The following THBS4 variants were observed in gnomAD, a reference collection of about 807,000 sequenced individuals.
The protein encoded by THBS4 is thrombospondin-4.
Under a neutral mutation model 115.7 loss-of-function variants are expected in THBS4, and 90 were observed. The ratio of observed to expected loss-of-function variants is 0.78; its 90% CI spans 0.66 to 0.93. The LOEUF is 0.93. Ranked by LOEUF, THBS4 falls within the 40% of genes least tolerant of loss-of-function variation. THBS4 has a pLI of 0.00. For missense variants in THBS4, 1,087 were observed against 1,232.7 expected (o/e 0.88, Z 1.77); for synonymous variants, 460 against 479.3 (o/e 0.96, Z 0.53).
At chr5:80,016,083 C>T (rs1369258295) in intron 2 of THBS4, among the ~76,000 whole-genome samples, 2 of 152,330 alleles carry the variant, frequency 1.3e-5, no homozygotes, top group Admixed American at 6.5e-5. Flanking sequence ...ACAGTATTCA[C>T]GCATCTACTG....
At chr5:80,065,617 G>A (rs1833791895) in intron 9 of THBS4, 140 bp downstream of exon 9, 2 of 646,978 alleles carry the variant, frequency 3.1e-6, no homozygotes, top group Non-Finnish European at 4.8e-6. Context: ...GCAAAAGTTT[G>A]TGCTGAAAAA....
chr5:80,035,671 C>T lies in THBS4; in HGVS notation c.88+46C>T, dbSNP rs2112016703. On this transcript the variant is annotated intron_variant, in intron 1 of 21. Coordinates refer to ENST00000350881, the MANE Select transcript of THBS4 (RefSeq NM_003248.6). The surrounding 1 kb of genome is among the most constrained non-coding windows in gnomAD (Gnocchi z 4.6). ...CCTGGGAGCGCCGGGCACCGGGTGC[C>T]CCATCTGCTGAGTGAGTGGAGGGAC... 7.9e-7 allele frequency: 1 copy of T among 1,262,032 alleles called. No homozygotes were observed. The highest frequency in any genetic ancestry group is 3.1e-5 in the East Asian group (1 of 31,878). The allele number at this position is 1,262,032 out of a possible 1,614,324, so 78.2% of individuals were successfully genotyped here.
intron 2 of THBS4, among the ~76,000 whole-genome samples, chr5:80,001,338 T>G (rs769682400): frequency 6.6e-6 from 1 of 152,206 alleles, no homozygotes; most frequent in Non-Finnish European, 1.5e-5. Context: ...TCACAATAAC[T>G]GAAGGGATAG....
intron 2 of THBS4, among the ~76,000 whole-genome samples, chr5:80,008,607 G>GA (rs11408457): frequency 0.015 from 2,355 of 152,226 alleles, 61 homozygotes; most frequent in African/African-American, 0.054. Context: ...AATTAATTTG[G>GA]AAAATACCTC....
intron 2 of THBS4, among the ~76,000 whole-genome samples, chr5:80,010,141 T>C (rs1214838203): frequency 6.6e-6 from 1 of 152,160 alleles, no homozygotes; most frequent in Non-Finnish European, 1.5e-5. Flanking sequence ...CATTCTTGGA[T>C]AAACATAATA....
intron 2 of THBS4, among the ~76,000 whole-genome samples, chr5:80,026,884 T>G (rs953888286): frequency 6.6e-6 from 1 of 152,166 alleles, no homozygotes; most frequent in Non-Finnish European, 1.5e-5. Flanking sequence ...ACTTTAATTT[T>G]TTTCCCCACA....
At chr5:80,000,974 T>C (rs562907869) in intron 2 of THBS4, among the ~76,000 whole-genome samples, 30 of 152,314 alleles carry the variant, frequency 2.0e-4, no homozygotes, top group African/African-American at 7.0e-4. Context: ...GACCTGTTTT[T>C]AAAACAGCTT....
intron 20 of THBS4, 95 bp downstream of exon 20, chr5:80,080,172 T>A: frequency 7.1e-7 from 1 of 1,399,740 alleles, no homozygotes; most frequent in Non-Finnish European, 9.7e-7. Flanking sequence ...AATTCTGACC[T>A]AGGATAGTCC....
At chr5:80,006,905 T>TA (rs1472004241) in intron 2 of THBS4, among the ~76,000 whole-genome samples, 1 of 152,194 alleles carries the variant, frequency 6.6e-6, no homozygotes, top group Non-Finnish European at 1.5e-5. Context: ...AAAGGAATTT[T>TA]AAAAAAGAAT....
chr5:80,012,172 G>A (rs1832140613), intron 2 of THBS4, among the ~76,000 whole-genome samples: 1 of 151,770 alleles, frequency 6.6e-6, no homozygotes, highest in South Asian at 2.1e-4. Flanking sequence ...AAAAATAAAG[G>A]AAGGAGACCA....
At chr5:80,054,159 C>CTTTTT (rs757155578) in intron 2 of THBS4, among the ~76,000 whole-genome samples, 5 of 88,586 alleles carry the variant, frequency 5.6e-5, no homozygotes, top group Non-Finnish European at 1.3e-4. Flanking sequence ...CTTTTCTTTT[C>CTTTTT]TTTTTTTTTT....
intron 1 of THBS4, among the ~76,000 whole-genome samples, chr5:80,039,773 G>T (rs1832834049): frequency 6.6e-6 from 1 of 152,116 alleles, no homozygotes; most frequent in Non-Finnish European, 1.5e-5. Context: ...GCTTTTCCTG[G>T]TGGGCATTTT....
intron 19 of THBS4, 87 bp downstream of exon 19, chr5:80,079,345 GTTAAT>G: frequency 7.1e-7 from 1 of 1,401,242 alleles, no homozygotes; most frequent in Non-Finnish European, 9.5e-7. Flanking sequence ...GTGGTACTTA[GTTAAT>G]CTAAAAAAAA....
At position 80,078,137 on chromosome 5, in the gene THBS4, C is replaced by G. The variant is rs746178239; in HGVS notation, c.2175C>G (p.Val725=). 2 of 1,612,800 alleles carry G rather than the reference C, an allele frequency of 1.2e-6. No homozygotes were observed. Among genetic ancestry groups the G allele is most frequent in the South Asian group, 1.1e-5 (1 of 90,760 alleles). Residue 725 remains valine, a synonymous_variant, in exon 17 of 22, where the codon GTC becomes GTG. Coordinates refer to ENST00000350881, the MANE Select transcript of THBS4 (RefSeq NM_003248.6). ...RIDVCPENAE[V]TLTDFRAYQT... Reference sequence around the variant, plus strand: ...ACGTCTGCCCAGAGAACGCAGAGGTCACCCTGACCGACTTCAGGGCTTACC... The same window carrying G: ...ACGTCTGCCCAGAGAACGCAGAGGTGACCCTGACCGACTTCAGGGCTTACC...
chr5:80,007,085 G>A (rs1832033884), intron 2 of THBS4, among the ~76,000 whole-genome samples: 1 of 152,128 alleles, frequency 6.6e-6, no homozygotes, highest in Non-Finnish European at 1.5e-5. Context: ...GTCTCAGAAG[G>A]AGCAGAGACA....
intron 15 of THBS4, among the ~76,000 whole-genome samples, chr5:80,075,018 A>C (rs1362125553): frequency 6.6e-6 from 1 of 152,178 alleles, no homozygotes; most frequent in Non-Finnish European, 1.5e-5. Flanking sequence ...CTTATATAAA[A>C]TGATGTAATA....
intron 2 of THBS4, among the ~76,000 whole-genome samples, chr5:80,015,399 A>G (rs148641235): frequency 3.9e-5 from 6 of 152,260 alleles, no homozygotes; most frequent in African/African-American, 1.4e-4. Flanking sequence ...ACCCTCTATA[A>G]AGGCCTACAA....
Position 80,078,114 on chromosome 5 carries a change from G to T in THBS4, c.2152G>T (p.Val718Phe), listed in dbSNP as rs752237270. The T allele has an allele frequency of 2.5e-6, 4 of 1,611,742 alleles. No homozygotes were observed. The African/African-American group carries it at 5.3e-5, about 22-fold the overall frequency. The change falls in exon 17 of 22, where the codon GTC becomes TTC. Residue 718 changes from valine (V) to phenylalanine (F), a missense_variant. Val to Phe is a conservative substitution (Grantham distance 50, BLOSUM62 -1). This residue lies in a region of THBS4 where 979 missense variants were observed against 1,103.7 expected (regional missense o/e 0.89). Coordinates refer to ENST00000350881, the MANE Select transcript of THBS4 (RefSeq NM_003248.6). ...GGACCAGGTCATCGATCGGATCGAC[G>T]TCTGCCCAGAGAACGCAGAGGTCAC... The part of the protein sequence containing the change: ...DQDQVIDRID[V>F]CPENAEVTLT...
intron 4 of THBS4, 37 bp from the exon 5 acceptor site, chr5:80,058,671 C>T (rs761603907): frequency 1.9e-6 from 3 of 1,598,338 alleles, no homozygotes; most frequent in Non-Finnish European, 2.6e-6. Flanking sequence ...ATGACCATCA[C>T]TGGCTGAAAA....
Sources: allele counts gnomAD v4.1 joint callset (sites outside exome capture counted in the v4.1 genomes callset), GRCh38; gene constraint gnomAD v4.1.1; regional missense constraint gnomAD v4.1.1; non-coding constraint Gnocchi (gnomAD v3.1); transcripts MANE v1.5; gene names NCBI Gene and HGNC (gene_info 2026-07-23, HGNC 2026-07-21).